Variants in CMSS1 observed in about 807,000 individuals in gnomAD.
The protein encoded by CMSS1 is cms1 ribosomal small subunit homolog.
Under a neutral mutation model 43.5 loss-of-function variants are expected in CMSS1, and 33 were observed. The ratio of observed to expected loss-of-function variants is 0.76; its 90% CI spans 0.57 to 1.01. CMSS1 has a LOEUF of 1.01. CMSS1 is among the 50% of genes least tolerant of loss of function. The probability of loss-of-function intolerance (pLI) is 0.00; values close to 1 mark genes in which losing one functional copy is unlikely to be tolerated. For synonymous variants in CMSS1, 115 were observed against 117.2 expected (o/e 0.98, Z 0.12); for missense variants, 313 against 326.4 (o/e 0.96, Z 0.32).
chr3:100,014,618 G>A (rs146699402), intron 1 of CMSS1, among the ~76,000 whole-genome samples: 23 of 152,064 alleles, frequency 1.5e-4, no homozygotes, highest in African/African-American at 4.8e-4. Context: ...TCATATACCT[G>A]TTGGCCATTT....
chr3:99,941,906 G>A (rs912777787), intron 1 of CMSS1, among the ~76,000 whole-genome samples: 2 of 152,156 alleles, frequency 1.3e-5, no homozygotes, highest in African/African-American at 4.8e-5. Flanking sequence ...ATGTTGCCTT[G>A]ATAGCAGCTG....
intron 1 of CMSS1, among the ~76,000 whole-genome samples, chr3:99,837,477 T>G: frequency 6.6e-6 from 1 of 151,866 alleles, no homozygotes; most frequent in East Asian, 1.9e-4. Context: ...TTGTAAAGGA[T>G]AATAATGCAT....
At chr3:100,141,493 T>C (rs1415967754) in intron 1 of CMSS1, 5 of 451,982 alleles carry the variant, frequency 1.1e-5, no homozygotes, top group Admixed American at 2.4e-5. Flanking sequence ...CTTTTGCACA[T>C]TTTAAAGAAC....
At chr3:100,010,049 A>G (rs1710099636) in intron 1 of CMSS1, 2 of 245,064 alleles carry the variant, frequency 8.2e-6, no homozygotes, top group Non-Finnish European at 1.3e-5. Context: ...GATATCTACC[A>G]TATGTTTTAC....
intron 1 of CMSS1, among the ~76,000 whole-genome samples, chr3:99,920,065 T>A (rs1707076762): frequency 6.6e-6 from 1 of 152,198 alleles, no homozygotes; most frequent in Admixed American, 6.5e-5. Flanking sequence ...AGGCCAAGAT[T>A]TTATGAAAAG....
intron 1 of CMSS1, chr3:99,849,102 G>A: frequency 6.2e-7 from 1 of 1,614,140 alleles, no homozygotes; most frequent in Non-Finnish European, 8.5e-7. Context: ...ATAGCTTTCT[G>A]TTAACAGGAC....
intron 1 of CMSS1, among the ~76,000 whole-genome samples, chr3:100,057,293 A>C (rs1199893613): frequency 6.6e-6 from 1 of 152,222 alleles, no homozygotes; most frequent in Non-Finnish European, 1.5e-5. Flanking sequence ...GAAAGCAGTG[A>C]GATGTTACTT....
At chr3:100,177,073 G>GA (rs1466009224) in intron 9 of CMSS1, among the ~76,000 whole-genome samples, 2 of 151,796 alleles carry the variant, frequency 1.3e-5, no homozygotes, top group African/African-American at 2.4e-5. Context: ...TAGCTGTTAG[G>GA]AAAAAAAATG....
At chr3:99,912,937 T>C (rs922645489) in intron 1 of CMSS1, among the ~76,000 whole-genome samples, 14 of 152,206 alleles carry the variant, frequency 9.2e-5, no homozygotes, top group Admixed American at 2.0e-4. Flanking sequence ...AACTCTTATG[T>C]TGAAATCATA....
At chr3:100,003,376 C>G (rs1017652740) in intron 1 of CMSS1, among the ~76,000 whole-genome samples, 1 of 152,184 alleles carries the variant, frequency 6.6e-6, no homozygotes, top group African/African-American at 2.4e-5. Context: ...TCTTCCCTTA[C>G]GTGGTTGTTT....
chr3:100,071,298 A>G (rs2065759749), intron 1 of CMSS1, among the ~76,000 whole-genome samples: 1 of 152,114 alleles, frequency 6.6e-6, no homozygotes, highest in Non-Finnish European at 1.5e-5. Flanking sequence ...AGATGGAGAA[A>G]CTTGTACATC....
intron 1 of CMSS1, among the ~76,000 whole-genome samples, chr3:99,926,853 G>C (rs1707307864): frequency 6.6e-6 from 1 of 152,144 alleles, no homozygotes; most frequent in African/African-American, 2.4e-5. Context: ...GGAATGGAAA[G>C]AAGGCTAGAA....
chr3:100,119,127 C>T (rs2066599447), intron 1 of CMSS1, among the ~76,000 whole-genome samples: 1 of 152,018 alleles, frequency 6.6e-6, no homozygotes, highest in Non-Finnish European at 1.5e-5. Context: ...TTCAGGGAAG[C>T]CTAATACTGT....
chr3:100,022,367 T>C (rs745337093), intron 1 of CMSS1, among the ~76,000 whole-genome samples: 115 of 152,254 alleles, frequency 7.6e-4, no homozygotes, highest in Non-Finnish European at 2.6e-4. Flanking sequence ...GCATTCATTC[T>C]AGTTCCACTG....
chr3:100,069,993 A>C lies in CMSS1; in HGVS notation c.65-76980A>C, dbSNP rs544154181. Among the ~76,000 whole-genome samples the C allele has an allele frequency of 2.0e-5, 3 of 152,242 alleles. No individual in the cohort carries two copies. The East Asian group carries it at 5.8e-4, about 29-fold the overall frequency. On this transcript the variant is annotated intron_variant, in intron 1 of 9. Transcript: ENST00000421999. ...TTCTCCTTTTTTTTCCTTTTATTTC[A>C]AACATAATTCTTGTTTGATCCTCAA...
chr3:100,100,733 A>G lies in CMSS1; in HGVS notation c.65-46240A>G, dbSNP rs2066289268. On this transcript the variant is annotated intron_variant, in intron 1 of 9. Coordinates refer to ENST00000421999, the MANE Select transcript of CMSS1 (RefSeq NM_032359.4). The stretch of plus-strand genomic sequence containing the variant: ...GGTAGCTGAGAATACCAAGATGATG[A>G]GAAATAGCATCACTAAGATATCTGG... Among the ~76,000 whole-genome samples, 3 of 152,320 alleles carry G rather than the reference A, an allele frequency of 2.0e-5. No homozygotes were observed. In the South Asian group the frequency reaches 6.2e-4, roughly 32 times the overall value.
At chr3:100,154,875 G>C (rs1443064197) in intron 2 of CMSS1, among the ~76,000 whole-genome samples, 2 of 152,154 alleles carry the variant, frequency 1.3e-5, no homozygotes, top group Non-Finnish European at 2.9e-5. Flanking sequence ...AGGAGGCTGA[G>C]GCAGGAGAAT....
chr3:99,974,880 TTG>T (rs1708924653), intron 1 of CMSS1, among the ~76,000 whole-genome samples: 1 of 152,246 alleles, frequency 6.6e-6, no homozygotes, highest in Non-Finnish European at 1.5e-5. Flanking sequence ...GCATGGGCTC[TTG>T]TGTTTGCCAT....
intron 1 of CMSS1, among the ~76,000 whole-genome samples, chr3:99,860,626 G>A (rs1221498482): frequency 3.9e-5 from 6 of 152,132 alleles, no homozygotes; most frequent in African/African-American, 1.4e-4. Context: ...AACAAAGGAG[G>A]TGCCCATGAT....
Sources: gnomAD v4.1 joint callset for allele counts (sites outside exome capture counted in the v4.1 genomes callset) on GRCh38, gnomAD v4.1.1 for gene constraint, MANE v1.5 for transcripts, NCBI Gene and HGNC (gene_info 2026-07-23, HGNC 2026-07-21) for gene names.